ANKFN1: variants seen among roughly 807,000 people sequenced by gnomAD.
The protein encoded by ANKFN1 is ankyrin repeat and fibronectin type III domain containing 1, also known as ankyrin repeat and fibronectin type-III domain-containing protein 1.
A neutral mutation model predicts 108.7 loss-of-function variants in ANKFN1; 74 were observed. The ratio of observed to expected loss-of-function variants is 0.68; its 90% CI spans 0.56 to 0.83. The LOEUF is 0.83. Among genes scored for constraint, ANKFN1 ranks in the 40% least tolerant of loss-of-function variants. The probability of loss-of-function intolerance (pLI) is 0.00; values close to 1 mark genes in which losing one functional copy is unlikely to be tolerated. For missense variants in ANKFN1, 1,505 were observed against 1,382.3 expected, an observed-to-expected ratio of 1.09 and a Z score of -1.41; for synonymous variants, 547 against 516.2, an observed-to-expected ratio of 1.06 and a Z score of -0.81.
intron 8 of ANKFN1, among the ~76,000 whole-genome samples, chr17:56,439,752 C>T (rs2049038843): frequency 6.6e-6 from 1 of 152,148 alleles, no homozygotes; most frequent in South Asian, 2.1e-4. Flanking sequence ...GTGAAAATCT[C>T]ACTCAGACCT....
intron 4 of ANKFN1, among the ~76,000 whole-genome samples, chr17:56,099,590 C>T (rs1344344918): frequency 6.6e-6 from 1 of 152,156 alleles, no homozygotes; most frequent in Non-Finnish European, 1.5e-5. Context: ...CCTTATTTGC[C>T]AGATGGGTCT....
At chr17:56,275,022 C>T (rs568865511) in intron 3 of ANKFN1, among the ~76,000 whole-genome samples, 24 of 152,274 alleles carry the variant, frequency 1.6e-4, no homozygotes, top group African/African-American at 5.1e-4. Context: ...TGCATGGAAC[C>T]TGTTTAGGGC....
intron 20 of ANKFN1, among the ~76,000 whole-genome samples, chr17:56,506,757 C>A (rs558977168): frequency 3.0e-4 from 46 of 151,928 alleles, no homozygotes; most frequent in Admixed American, 5.9e-4. Flanking sequence ...AAGTGCCACT[C>A]CTCAGGAAGT....
chr17:56,099,515 G>A (rs1567786619), intron 4 of ANKFN1, among the ~76,000 whole-genome samples: 1 of 152,114 alleles, frequency 6.6e-6, no homozygotes, highest in Non-Finnish European at 1.5e-5. Context: ...TGTAGATTAA[G>A]TGCTTACTAG....
chr17:56,460,396 T>C (rs2049861214), intron 14 of ANKFN1, among the ~76,000 whole-genome samples: 1 of 152,086 alleles, frequency 6.6e-6, no homozygotes, highest in Admixed American at 6.5e-5. Flanking sequence ...GAGGTTGCAG[T>C]GAGCTGAGAT....
chr17:56,219,206 A>G (rs924381785), intron 2 of ANKFN1, among the ~76,000 whole-genome samples: 1 of 151,962 alleles, frequency 6.6e-6, no homozygotes, highest in African/African-American at 2.4e-5. Context: ...TAATTCACCT[A>G]TGTTAAAGAG....
At chr17:56,184,324 C>T (rs1911983047) in intron 1 of ANKFN1, among the ~76,000 whole-genome samples, 1 of 152,116 alleles carries the variant, frequency 6.6e-6, no homozygotes, top group Non-Finnish European at 1.5e-5. Context: ...AGACCCTTCA[C>T]CAGCAAAAAG....
intron 8 of ANKFN1, among the ~76,000 whole-genome samples, chr17:56,395,279 C>A (rs1025798242): frequency 9.2e-5 from 14 of 152,274 alleles, no homozygotes; most frequent in African/African-American, 3.1e-4. Context: ...AGTCTTATCA[C>A]CCCTACACTT....
chr17:56,072,047 A>G (rs769013587), intron 4 of ANKFN1, among the ~76,000 whole-genome samples: 1 of 152,212 alleles, frequency 6.6e-6, no homozygotes, highest in Non-Finnish European at 1.5e-5. Flanking sequence ...CGCCCTTGCA[A>G]TCTTAGTTTT....
chr17:56,261,160 C>T (rs1476512711), intron 3 of ANKFN1, among the ~76,000 whole-genome samples: 1 of 152,204 alleles, frequency 6.6e-6, no homozygotes, highest in Non-Finnish European at 1.5e-5. Context: ...CTGTACGGAC[C>T]TTGTTATCTT....
chr17:56,252,427 C>T (rs2043255102), intron 3 of ANKFN1: 1 of 152,208 alleles, frequency 6.6e-6, no homozygotes, highest in African/African-American at 2.4e-5. Context: ...CCTCCTACTT[C>T]TTACAAGTTT....
At chr17:56,140,788 C>T (rs1282275853) in intron 4 of ANKFN1, among the ~76,000 whole-genome samples, 1 of 151,992 alleles carries the variant, frequency 6.6e-6, no homozygotes, top group Non-Finnish European at 1.5e-5. Flanking sequence ...CCTAAGTATG[C>T]CAAATTGGAA....
chr17:56,508,104 T>A (rs1397860253), intron 20 of ANKFN1, among the ~76,000 whole-genome samples: 5 of 152,240 alleles, frequency 3.3e-5, no homozygotes, highest in Non-Finnish European at 7.3e-5. Context: ...CAGCTCTTGC[T>A]TAGCCCCACA....
intron 4 of ANKFN1, among the ~76,000 whole-genome samples, chr17:56,095,985 G>T (rs1221532712): frequency 6.6e-6 from 1 of 152,128 alleles, no homozygotes; most frequent in African/African-American, 2.4e-5. Context: ...CTGTTTATTG[G>T]TTATATGACC....
chr17:56,104,986 C>T (rs1418629310), intron 4 of ANKFN1, among the ~76,000 whole-genome samples: 1 of 152,076 alleles, frequency 6.6e-6, no homozygotes, highest in Non-Finnish European at 1.5e-5. Context: ...AAGCATGTCA[C>T]AGTTTTGTGG....
chr17:56,482,260 G>A (rs1296892194), intron 17 of ANKFN1, 96 bp from the exon 18 acceptor site: 5 of 1,136,586 alleles, frequency 4.4e-6, no homozygotes, highest in East Asian at 5.1e-5. Context: ...TTGAAGTTGT[G>A]TAATTTTGTG....
intron 8 of ANKFN1, among the ~76,000 whole-genome samples, chr17:56,380,319 T>A (rs2047058783): frequency 6.6e-6 from 1 of 152,152 alleles, no homozygotes; most frequent in African/African-American, 2.4e-5. Flanking sequence ...GATGGCCGAA[T>A]AGGAACAGCT....
intron 8 of ANKFN1, among the ~76,000 whole-genome samples, chr17:56,379,574 T>C (rs1205911490): frequency 6.6e-6 from 1 of 152,222 alleles, no homozygotes; most frequent in East Asian, 1.9e-4. Context: ...ATGTTGTTTT[T>C]CTAATCCTAC....
chr17:56,223,009 C>T (rs138093074), intron 2 of ANKFN1, among the ~76,000 whole-genome samples: 84 of 152,232 alleles, frequency 5.5e-4, no homozygotes, highest in African/African-American at 1.9e-3. Flanking sequence ...AAATGGAATC[C>T]TACTTAGCCA....
Sources: gnomAD v4.1 joint callset for allele counts (sites outside exome capture counted in the v4.1 genomes callset) on GRCh38, gnomAD v4.1.1 for gene constraint, MANE v1.5 for transcripts, NCBI Gene and HGNC (gene_info 2026-07-23, HGNC 2026-07-21) for gene names.